The following TENM2 variants were observed in gnomAD, a reference collection of about 807,000 sequenced individuals.
TENM2 encodes teneurin transmembrane protein 2.
Under a neutral mutation model 245.2 loss-of-function variants are expected in TENM2, and 52 were observed. The observed-to-expected ratio is 0.21, with a 90% CI of 0.17 to 0.27. The LOEUF is 0.27. TENM2 is among the 10% of genes least tolerant of loss of function. The pLI, the probability that TENM2 is intolerant of heterozygous loss-of-function variation, is 1.00. For missense variants in TENM2, 3,046 were observed against 3,666.8 expected (o/e 0.83, Z 4.37); for synonymous variants, 1,363 against 1,438.9 (o/e 0.95, Z 1.19).
chr5:167,578,808 A>G (rs1312908720), intron 2 of TENM2, among the ~76,000 whole-genome samples: 1 of 152,196 alleles, frequency 6.6e-6, no homozygotes, highest in Non-Finnish European at 1.5e-5. Flanking sequence ...TTGACTGACA[A>G]GCTCAGCTGT....
At chr5:167,746,287 T>C (rs988770249) in intron 2 of TENM2, among the ~76,000 whole-genome samples, 40 of 152,306 alleles carry the variant, frequency 2.6e-4, no homozygotes, top group Non-Finnish European at 5.0e-4. Context: ...CTTAAATGGA[T>C]TGGAGGTTTG....
chr5:167,372,419 C>T (rs1760493869), intron 1 of TENM2, among the ~76,000 whole-genome samples: 1 of 152,198 alleles, frequency 6.6e-6, no homozygotes. Context: ...ACTCCATGTC[C>T]TCCCATGGCC....
At chr5:167,354,641 T>C (rs1169792798) in intron 1 of TENM2, among the ~76,000 whole-genome samples, 1 of 152,164 alleles carries the variant, frequency 6.6e-6, no homozygotes, top group African/African-American at 2.4e-5. Context: ...TATATAGCCT[T>C]TGAAGTCAAA....
At chr5:168,144,478 A>G (rs890786924) in intron 12 of TENM2, among the ~76,000 whole-genome samples, 1 of 151,834 alleles carries the variant, frequency 6.6e-6, no homozygotes, top group South Asian at 2.1e-4. Flanking sequence ...ATGATTTCCA[A>G]TTTCATCCAT....
At chr5:167,252,449 T>C in the TENM2 span, among the ~76,000 whole-genome samples, 2 of 152,070 alleles carry the variant, frequency 1.3e-5, no homozygotes, top group Admixed American at 1.3e-4. Flanking sequence ...GCGTTGTCAT[T>C]TGGGGGAAGA....
At chr5:167,449,531 G>T (rs2127472413) in intron 2 of TENM2, among the ~76,000 whole-genome samples, 1 of 148,286 alleles carries the variant, frequency 6.7e-6, no homozygotes, top group Admixed American at 6.8e-5. Context: ...TAGATAGATA[G>T]ATAGATAGAT....
intron 27 of TENM2, among the ~76,000 whole-genome samples, chr5:168,254,755 A>C (rs1385631921): frequency 2.0e-5 from 3 of 152,176 alleles, no homozygotes; most frequent in Admixed American, 6.6e-5. Flanking sequence ...TCTAAAGACA[A>C]GGCCTTCTCA....
intron 1 of TENM2, among the ~76,000 whole-genome samples, chr5:167,352,548 C>T (rs1758986900): frequency 6.6e-6 from 1 of 152,100 alleles, no homozygotes; most frequent in Non-Finnish European, 1.5e-5. Flanking sequence ...AATTGTTCTC[C>T]CCCATTATCT....
At chr5:167,998,637 T>C (rs1186709039) in intron 5 of TENM2, among the ~76,000 whole-genome samples, 1 of 152,144 alleles carries the variant, frequency 6.6e-6, no homozygotes, top group East Asian at 1.9e-4. Context: ...ATTTATGTCA[T>C]CCTAAATTAG....
At chr5:167,476,027 CATT>C (rs1158016389) in intron 2 of TENM2, among the ~76,000 whole-genome samples, 1 of 151,996 alleles carries the variant, frequency 6.6e-6, no homozygotes, top group African/African-American at 2.4e-5. Context: ...AGAAGAATAA[CATT>C]ATTTTATTAT....
intron 2 of TENM2, among the ~76,000 whole-genome samples, chr5:167,535,023 TA>T (rs2127596901): frequency 6.6e-6 from 1 of 152,120 alleles, no homozygotes; most frequent in East Asian, 1.9e-4. Context: ...GAGATAAAAA[TA>T]GTTGTCTATT....
At chr5:167,940,581 T>C (rs1779098824) in intron 3 of TENM2, among the ~76,000 whole-genome samples, 2 of 152,130 alleles carry the variant, frequency 1.3e-5, no homozygotes, top group Non-Finnish European at 2.9e-5. Context: ...AGGCCAAGGG[T>C]ACAGCAAATG....
chr5:167,162,635 A>AC, the TENM2 span, among the ~76,000 whole-genome samples: 1 of 146,968 alleles, frequency 6.8e-6, no homozygotes, highest in African/African-American at 2.7e-5. Flanking sequence ...TAAAAAAAAA[A>AC]AACAACAAAA....
At chr5:168,227,531 T>C (rs890861573) in intron 24 of TENM2, among the ~76,000 whole-genome samples, 3 of 151,788 alleles carry the variant, frequency 2.0e-5, no homozygotes, top group Admixed American at 2.0e-4. Flanking sequence ...TTTTTTTTTT[T>C]TTCCTGGTAT....
At chr5:167,650,871 C>A (rs1423713426) in intron 2 of TENM2, among the ~76,000 whole-genome samples, 1 of 152,124 alleles carries the variant, frequency 6.6e-6, no homozygotes, top group East Asian at 1.9e-4. Context: ...TGTAAACAGT[C>A]TGTTTCTTGA....
At chr5:167,954,242 A>G (rs1339556807) in intron 4 of TENM2, among the ~76,000 whole-genome samples, 2 of 152,152 alleles carry the variant, frequency 1.3e-5, no homozygotes, top group African/African-American at 2.4e-5. Flanking sequence ...GAATGGTTAC[A>G]TAACAAAGTA....
At chr5:168,011,132 C>T (rs1186442911) in intron 5 of TENM2, among the ~76,000 whole-genome samples, 3 of 152,232 alleles carry the variant, frequency 2.0e-5, no homozygotes, top group East Asian at 3.8e-4. Context: ...TCAGCCTTTG[C>T]TCATTAATGA....
intron 2 of TENM2, among the ~76,000 whole-genome samples, chr5:167,760,314 T>C (rs1762578514): frequency 6.6e-6 from 1 of 152,194 alleles, no homozygotes; most frequent in Non-Finnish European, 1.5e-5. Flanking sequence ...TCTTTTGTTG[T>C]TCAGGATGGT....
At chr5:167,762,545 G>A (rs1762752567) in intron 2 of TENM2, among the ~76,000 whole-genome samples, 1 of 152,166 alleles carries the variant, frequency 6.6e-6, no homozygotes, top group Non-Finnish European at 1.5e-5. Context: ...CTGGTTGTCA[G>A]TTGGCAATGG....
Sources: gnomAD v4.1 joint callset for allele counts (sites outside exome capture counted in the v4.1 genomes callset) on GRCh38, gnomAD v4.1.1 for gene constraint, MANE v1.5 for transcripts, NCBI Gene and HGNC (gene_info 2026-07-23, HGNC 2026-07-21) for gene names.